GOLGB1: variants seen among roughly 807,000 people sequenced by gnomAD.
GOLGB1 encodes the protein golgin B1.
In GOLGB1, 174 loss-of-function variants were observed where a neutral mutation model predicts 336.9. The observed-to-expected ratio is 0.52, with a 90% CI of 0.46 to 0.59. The LOEUF is 0.59. GOLGB1 is among the 20% of genes least tolerant of loss of function. The probability of loss-of-function intolerance (pLI) is 0.00; values close to 1 mark genes in which losing one functional copy is unlikely to be tolerated. For synonymous variants in GOLGB1, 1,208 were observed against 1,289.2 expected, an observed-to-expected ratio of 0.94 and a Z score of 1.35; for missense variants, 3,331 against 3,645.3, an observed-to-expected ratio of 0.91 and a Z score of 2.22.
At position 121,696,335 on chromosome 3, in the gene GOLGB1, T is replaced by A; in HGVS notation, c.4188A>T (p.Gln1396His). 6.2e-7 allele frequency: 1 copy of A among 1,614,184 alleles called. No homozygotes were observed. Among genetic ancestry groups the A allele is most frequent in the Non-Finnish European group, 8.5e-7 (1 of 1,180,014 alleles). Residue 1396 changes from glutamine (Q) to histidine (H), a missense_variant, in exon 13 of 22, where the codon CAA becomes CAT. Coordinates refer to ENST00000614479, the MANE Select transcript of GOLGB1 (RefSeq NM_001366282.2). ...IAGLEHLREL[Q>H]PKLDELQKLI... ...GTTTTTGCAGTTCATCCAGTTTAGG[T>A]TGCAATTCTCTTAGATGTTCTAGGC...
intron 4 of GOLGB1, among the ~76,000 whole-genome samples, chr3:121,727,287 C>T (rs1394413829): frequency 2.1e-5 from 1 of 47,630 alleles, no homozygotes; most frequent in African/African-American, 5.9e-5. Flanking sequence ...TACATACACA[C>T]ACACACATAT....
At chr3:121,745,153 T>C (rs1275533482) in intron 1 of GOLGB1, among the ~76,000 whole-genome samples, 2 of 151,998 alleles carry the variant, frequency 1.3e-5, no homozygotes, top group Non-Finnish European at 2.9e-5. Flanking sequence ...TTAAGCTAAA[T>C]GAAGAAAGAT....
intron 10 of GOLGB1, among the ~76,000 whole-genome samples, chr3:121,712,456 A>C (rs1944429676): frequency 6.6e-6 from 1 of 152,162 alleles, no homozygotes; most frequent in African/African-American, 2.4e-5. Context: ...TAAATAATTA[A>C]GCTCATCAAA....
intron 4 of GOLGB1, among the ~76,000 whole-genome samples, chr3:121,728,687 C>A (rs982156640): frequency 3.3e-5 from 5 of 152,220 alleles, no homozygotes; most frequent in African/African-American, 1.2e-4. Flanking sequence ...ACCTAGTGAG[C>A]CTCCCTTTTA....
Position 121,696,892 on chromosome 3 carries a change from T to G in GOLGB1, c.3631A>C (p.Lys1211Gln). 2.5e-6 allele frequency: 4 copies of G among 1,614,180 alleles called. No individual in the cohort carries two copies. Among genetic ancestry groups the G allele is most frequent in the Non-Finnish European group, 3.4e-6 (4 of 1,179,992 alleles). Residue 1211 changes from lysine (K) to glutamine (Q), a missense_variant, in exon 13 of 22, where the codon AAG (lysine) becomes CAG (glutamine). Coordinates refer to ENST00000614479, the MANE Select transcript of GOLGB1 (RefSeq NM_001366282.2). Reference sequence around the variant, plus strand: ...CGATTATAGTCATCTTTCTGTTGCTTTAGCTCCTCCCTGAGATGTCTTTCT... The same window carrying G: ...CGATTATAGTCATCTTTCTGTTGCTGTAGCTCCTCCCTGAGATGTCTTTCT... ...EKERHLREEL[K>Q]QQKDDYNRLQ...
At chr3:121,699,934 G>GA in intron 11 of GOLGB1, 49 bp from the exon 12 acceptor site, 1 of 1,039,890 alleles carries the variant, frequency 9.6e-7, no homozygotes, top group South Asian at 1.4e-5. Flanking sequence ...TGGAGTGTGT[G>GA]AAAAAACAGG....
chr3:121,719,232 AAG>A (rs1232576319), intron 7 of GOLGB1, among the ~76,000 whole-genome samples: 3 of 152,222 alleles, frequency 2.0e-5, no homozygotes, highest in Non-Finnish European at 4.4e-5. Flanking sequence ...TTTTTTAAAA[AAG>A]AATTACTGAT....
At chr3:121,668,360 T>C (rs1938961244) in intron 18 of GOLGB1, 2 of 406,680 alleles carry the variant, frequency 4.9e-6, no homozygotes, top group Admixed American at 4.6e-5. Context: ...CAGATTCTCA[T>C]TCTTGAATTT....
chr3:121,689,094 C>T (rs1023685972), intron 14 of GOLGB1, among the ~76,000 whole-genome samples: 1 of 151,826 alleles, frequency 6.6e-6, no homozygotes, highest in African/African-American at 2.4e-5. Flanking sequence ...CGGCCAGCCG[C>T]CCCGTCCGGG....
chr3:121,678,329 TCTC>T (rs1313486172), intron 15 of GOLGB1, among the ~76,000 whole-genome samples: 6 of 152,232 alleles, frequency 3.9e-5, no homozygotes, highest in Admixed American at 3.9e-4. Context: ...AGGTTTGAAA[TCTC>T]CTGTGTCTGA....
chr3:121,694,123 G>C lies in GOLGB1; in HGVS notation c.6400C>G (p.Gln2134Glu). The change falls in exon 13 of 22, where the codon CAG becomes GAG. Residue 2134 changes from glutamine to glutamate, a missense_variant. Transcript: ENST00000614479. Reference sequence around the variant, plus strand: ...TCTTTCAGGTGCTTCTCTTCTGCCTGTTCCAGTCTTCGCTCAAGATCTTCA... The same window carrying C: ...TCTTTCAGGTGCTTCTCTTCTGCCTCTTCCAGTCTTCGCTCAAGATCTTCA... ...KDEDLERRLE[Q>E]AEEKHLKEKK... 1.9e-6 allele frequency: 3 copies of C among 1,613,838 alleles called. No individual in the cohort carries two copies. Among genetic ancestry groups the C allele is most frequent in the Admixed American group, 1.7e-5 (1 of 59,992 alleles).
intron 1 of GOLGB1, among the ~76,000 whole-genome samples, chr3:121,748,236 T>A (rs1947504038): frequency 6.6e-6 from 1 of 152,182 alleles, no homozygotes; most frequent in African/African-American, 2.4e-5. Flanking sequence ...TCCCAAGGTG[T>A]GGACAAGGCT....
rs765828868 is a variant in GOLGB1, at chr3:121,667,553, C to G, written c.9477G>C (p.Arg3159Ser). 8 of 1,613,856 alleles carry G rather than the reference C, an allele frequency of 5.0e-6. No homozygotes were observed. The Admixed American group carries it at 1.2e-4, about 24-fold the overall frequency. Residue 3159 changes from arginine to serine, a missense_variant, in exon 20 of 22, where the codon AGG becomes AGC. Coordinates refer to ENST00000614479, the MANE Select transcript of GOLGB1 (RefSeq NM_001366282.2). ...CNTRQEVNEL[R>S]KLLEEERDQR... ...GGTCTCGTTCTTCTTCCAGCAGCTT[C>G]CTTAATTCATTCACTTCCTGTCTGG...
rs576897565 is a variant in GOLGB1 at position 121,734,737 on chromosome 3, A to G, written c.-2-3764T>C. On this transcript the variant is annotated intron_variant, in intron 1 of 21. Coordinates refer to ENST00000614479, the MANE Select transcript of GOLGB1 (RefSeq NM_001366282.2). ...GGATATAGAGCAACAGGAACTTTCAATGCCTGCAGATTAGAATACAAAATG... is the reference window on the plus strand; with the variant it reads ...GGATATAGAGCAACAGGAACTTTCAGTGCCTGCAGATTAGAATACAAAATG... Among the ~76,000 whole-genome samples, 3 of 152,366 alleles carry G rather than the reference A, an allele frequency of 2.0e-5. No individual in the cohort carries two copies. The East Asian group carries it at 5.8e-4, about 29-fold the overall frequency.
intron 5 of GOLGB1, among the ~76,000 whole-genome samples, chr3:121,726,444 AAAAAAAAAAAG>A (rs1945614712): frequency 6.7e-6 from 1 of 149,646 alleles, no homozygotes; most frequent in Non-Finnish European, 1.5e-5. Context: ...AAAAAAAAAA[AAAAAAAAAAAG>A]AAAAGAAAAG....
chr3:121,722,171 A>G (rs1480034614), intron 6 of GOLGB1, 91 bp downstream of exon 6: 2 of 736,982 alleles, frequency 2.7e-6, no homozygotes, highest in Non-Finnish European at 4.9e-6. Context: ...TTTATCTACT[A>G]GGATTTTTTA....
chr3:121,673,136 C>T (rs1210702375), intron 17 of GOLGB1, among the ~76,000 whole-genome samples: 4 of 150,686 alleles, frequency 2.7e-5, no homozygotes, highest in African/African-American at 9.8e-5. Context: ...GTGGCGCGAT[C>T]TCGGCTCACT....
intron 1 of GOLGB1, 21 bp from the exon 2 acceptor site, chr3:121,730,994 A>C (rs536644558): frequency 6.2e-7 from 1 of 1,604,236 alleles, no homozygotes; most frequent in African/African-American, 1.3e-5. Flanking sequence ...AGAAGGGGGG[A>C]AAAAACCTAA....
chr3:121,687,288 G>A (rs895659613), intron 14 of GOLGB1, among the ~76,000 whole-genome samples: 4 of 152,000 alleles, frequency 2.6e-5, no homozygotes, highest in South Asian at 2.1e-4. Context: ...AAAAAACAGG[G>A]TCTTAAATGC....
Sources: allele counts gnomAD v4.1 joint callset (sites outside exome capture counted in the v4.1 genomes callset), GRCh38; gene constraint gnomAD v4.1.1; transcripts MANE v1.5; gene names NCBI Gene and HGNC (gene_info 2026-07-23, HGNC 2026-07-21).